Variants in DOK6 observed in about 807,000 individuals in gnomAD.
DOK6 encodes downstream of tyrosine kinase 6.
In DOK6, 22 loss-of-function variants were observed where a neutral mutation model predicts 44.0. The ratio of observed to expected loss-of-function variants is 0.50; its 90% CI spans 0.36 to 0.71. DOK6 has a LOEUF of 0.71. DOK6 is among the 30% of genes least tolerant of loss of function. The pLI is 0.00. For missense variants in DOK6, 340 were observed against 416.4 expected (o/e 0.82, Z 1.60); for synonymous variants, 166 against 145.5 (o/e 1.14, Z -1.01).
chr18:69,773,476 A>G (rs1001023625), intron 7 of DOK6, among the ~76,000 whole-genome samples: 1 of 152,072 alleles, frequency 6.6e-6, no homozygotes, highest in African/African-American at 2.4e-5. Flanking sequence ...AAAATGTGGT[A>G]TAAACATACA....
At chr18:69,545,707 G>A (rs913053035) in intron 1 of DOK6, among the ~76,000 whole-genome samples, 2 of 151,186 alleles carry the variant, frequency 1.3e-5, no homozygotes, top group African/African-American at 2.4e-5. Flanking sequence ...TCCACTATAC[G>A]AAATAAGATA....
At chr18:69,556,372 G>C (rs1379016579) in intron 1 of DOK6, among the ~76,000 whole-genome samples, 1 of 151,988 alleles carries the variant, frequency 6.6e-6, no homozygotes, top group Non-Finnish European at 1.5e-5. Context: ...GTTCTCTAAT[G>C]CTGCTCCTAA....
At chr18:69,407,131 T>C (rs770845950) in intron 1 of DOK6, among the ~76,000 whole-genome samples, 18 of 152,236 alleles carry the variant, frequency 1.2e-4, no homozygotes, top group Non-Finnish European at 8.8e-5. Flanking sequence ...AAATGTCATC[T>C]TTTCAAAGTA....
Position 69,847,429 on chromosome 18 carries a change from A to G in DOK6, c.*6046A>G, listed in dbSNP as rs1439982074. 6.6e-6 allele frequency: 1 copy of G among 152,218 alleles called. No individual in the cohort carries two copies. The highest frequency in any genetic ancestry group is 1.5e-5 in the Non-Finnish European group (1 of 68,040). 9.4% of individuals were successfully genotyped at this position (152,218 alleles called of 1,614,324 possible). ...CTATTAATTCCCTCAAGAGACCCACAGCCTCAAAAGAGTTGCTTATTATCA... is the reference window on the plus strand; with the variant it reads ...CTATTAATTCCCTCAAGAGACCCACGGCCTCAAAAGAGTTGCTTATTATCA... On this transcript the variant is annotated 3_prime_UTR_variant, in exon 8 of 8. Coordinates refer to ENST00000382713, the MANE Select transcript of DOK6 (RefSeq NM_152721.6).
At chr18:69,690,074 C>T (rs1171036984) in intron 4 of DOK6, among the ~76,000 whole-genome samples, 1 of 151,904 alleles carries the variant, frequency 6.6e-6, no homozygotes, top group Admixed American at 6.6e-5. Flanking sequence ...AATAATTTTC[C>T]ATATTTGCTG....
intron 3 of DOK6, among the ~76,000 whole-genome samples, chr18:69,627,902 T>C (rs1340347885): frequency 1.3e-5 from 2 of 152,190 alleles, no homozygotes; most frequent in Non-Finnish European, 2.9e-5. Flanking sequence ...TCAATATCAT[T>C]ATCCACAACT....
At chr18:69,537,277 C>T (rs1357890152) in intron 1 of DOK6, among the ~76,000 whole-genome samples, 1 of 152,174 alleles carries the variant, frequency 6.6e-6, no homozygotes, top group Non-Finnish European at 1.5e-5. Flanking sequence ...CTCAGTCTCA[C>T]TCATGTCTTC....
chr18:69,410,345 T>G (rs562787563), intron 1 of DOK6, among the ~76,000 whole-genome samples: 1 of 152,296 alleles, frequency 6.6e-6, no homozygotes, highest in East Asian at 1.9e-4. Context: ...TGCTTTAGAG[T>G]TCCCTCAAGT....
intron 1 of DOK6, among the ~76,000 whole-genome samples, chr18:69,533,564 T>A (rs1468019579): frequency 1.3e-5 from 2 of 152,128 alleles, no homozygotes; most frequent in East Asian, 3.8e-4. Context: ...TTTATTTAAA[T>A]GACTAATATG....
At position 69,655,677 on chromosome 18, in the gene DOK6, C is replaced by T. The variant is rs547564041; in HGVS notation, c.290-22057C>T. Among the ~76,000 whole-genome samples the T allele has an allele frequency of 2.1e-4, 31 of 145,674 alleles. No homozygotes were observed. In the East Asian group the frequency reaches 5.2e-3, roughly 24 times the overall value. On this transcript the variant is annotated intron_variant, in intron 3 of 7. Coordinates refer to ENST00000382713, the MANE Select transcript of DOK6 (RefSeq NM_152721.6). Reference sequence around the variant, plus strand: ...CTGAGGCAGGAGAATTGCTTGAACCCGGGAGGTGGAGGTGGCAGTGAGCAA... The same window carrying T: ...CTGAGGCAGGAGAATTGCTTGAACCTGGGAGGTGGAGGTGGCAGTGAGCAA...
chr18:69,515,601 T>G (rs1392029154), intron 1 of DOK6, among the ~76,000 whole-genome samples: 4 of 152,194 alleles, frequency 2.6e-5, no homozygotes, highest in Non-Finnish European at 5.9e-5. Flanking sequence ...AAAAATAGAA[T>G]AGACTTGAAA....
intron 4 of DOK6, among the ~76,000 whole-genome samples, chr18:69,679,502 ACT>A (rs1481134667): frequency 6.6e-6 from 1 of 152,074 alleles, no homozygotes; most frequent in Non-Finnish European, 1.5e-5. Flanking sequence ...CCTCTCCCAC[ACT>A]CTCTCAAATT....
At chr18:69,715,609 G>C (rs1419339363) in intron 5 of DOK6, among the ~76,000 whole-genome samples, 1 of 152,158 alleles carries the variant, frequency 6.6e-6, no homozygotes, top group African/African-American at 2.4e-5. Flanking sequence ...CACAACTTTT[G>C]ACATTTGACT....
At chr18:69,774,133 G>GATAGATTTATATAGATAT (rs1555670145) in intron 7 of DOK6, among the ~76,000 whole-genome samples, 1 of 66,866 alleles carries the variant, frequency 1.5e-5, no homozygotes, top group Non-Finnish European at 3.3e-5. Context: ...ATATATATGA[G>GATAGATTTATATAGATAT]ATATATATAT....
chr18:69,401,187 G>A lies in DOK6; in HGVS notation c.-58G>A, dbSNP rs1050276652. 2.8e-5 allele frequency: 41 copies of A among 1,490,142 alleles called. No homozygotes were observed. Among genetic ancestry groups the A allele is most frequent in the Non-Finnish European group, 3.0e-5 (34 of 1,117,956 alleles). 92.3% of individuals were successfully genotyped at this position (1,490,142 alleles called of 1,614,324 possible). On this transcript the variant is annotated 5_prime_UTR_variant, in exon 1 of 8. Coordinates refer to ENST00000382713, the MANE Select transcript of DOK6 (RefSeq NM_152721.6). ...GACCCGCGCAGACCCGGCGGCGGACGGCGGCTCTCGACTCCGGAGAGCGGA... is the reference window on the plus strand; with the variant it reads ...GACCCGCGCAGACCCGGCGGCGGACAGCGGCTCTCGACTCCGGAGAGCGGA...
chr18:69,643,474 C>A (rs57905614), intron 3 of DOK6, among the ~76,000 whole-genome samples: 26,895 of 152,086 alleles, frequency 0.18, 2,587 homozygotes, highest in Admixed American at 0.27. Flanking sequence ...TTCCATTTCT[C>A]AAATTTGTCA....
chr18:69,689,629 C>T (rs539425187), intron 4 of DOK6, among the ~76,000 whole-genome samples: 1 of 152,036 alleles, frequency 6.6e-6, no homozygotes, highest in Non-Finnish European at 1.5e-5. Flanking sequence ...AGTATTTGCT[C>T]CAGTGATTCA....
At chr18:69,774,772 A>T (rs1980011460) in intron 7 of DOK6, among the ~76,000 whole-genome samples, 1 of 151,994 alleles carries the variant, frequency 6.6e-6, no homozygotes, top group Non-Finnish European at 1.5e-5. Flanking sequence ...CCTAAAGGAG[A>T]TGATACAGCA....
At chr18:69,426,410 A>T (rs939811152) in intron 1 of DOK6, among the ~76,000 whole-genome samples, 6 of 152,232 alleles carry the variant, frequency 3.9e-5, no homozygotes, top group African/African-American at 1.4e-4. Flanking sequence ...AAACGTAATT[A>T]TATACGCATT....
Sources: gnomAD v4.1 joint callset for allele counts (sites outside exome capture counted in the v4.1 genomes callset) on GRCh38, gnomAD v4.1.1 for gene constraint, MANE v1.5 for transcripts, NCBI Gene and HGNC (gene_info 2026-07-23, HGNC 2026-07-21) for gene names.